Variants in HR observed in about 807,000 individuals in gnomAD.
HR encodes lysine-specific demethylase hairless.
In HR, 83 loss-of-function variants were observed where a neutral mutation model predicts 128.6. The observed-to-expected ratio is 0.65, with a 90% CI of 0.54 to 0.77. The LOEUF is 0.77. Among genes scored for constraint, HR ranks in the 30% least tolerant of loss-of-function variants. The probability of loss-of-function intolerance (pLI) is 0.00; values close to 1 mark genes in which losing one functional copy is unlikely to be tolerated. For missense variants in HR, 1,490 were observed against 1,574.6 expected (o/e 0.95, Z 0.91); for synonymous variants, 681 against 658.2 (o/e 1.03, Z -0.53).
chr8:22,126,713 G>A (rs143537689), intron 3 of HR, among the ~76,000 whole-genome samples: 31 of 152,302 alleles, frequency 2.0e-4, no homozygotes, highest in African/African-American at 5.3e-4. Context: ...CCAGAGAGGC[G>A]AAGCAACTCA....
In HR at chr8:22,120,456, T is replaced by C; in HGVS notation, c.2662A>G (p.Thr888Ala). The part of the protein sequence containing the change: ...QRTLQGNLWG[T>A]EALGALGGQV... ...CCTCCAAGTGCCCCAAGAGCTTCTG[T>C]CCCCCACAGGTTGCCCTGCAATGTC... Residue 888 changes from threonine to alanine, a missense_variant, in exon 12 of 19, where the codon ACA becomes GCA. Transcript: ENST00000381418. 6.2e-7 allele frequency: 1 copy of C among 1,613,884 alleles called. No individual in the cohort carries two copies. The highest frequency in any genetic ancestry group is 8.5e-7 in the Non-Finnish European group (1 of 1,179,980).
chr8:22,123,617 T>TTTGGGGGG, intron 6 of HR, 32 bp downstream of exon 6: 3 of 292,092 alleles, frequency 1.0e-5, no homozygotes, highest in Non-Finnish European at 1.2e-5. Context: ...GAGGGCTCCA[T>TTTGGGGGG]CCCGCCCTCC....
intron 1 of HR, among the ~76,000 whole-genome samples, chr8:22,129,632 C>T (rs960108642): frequency 2.6e-5 from 4 of 152,256 alleles, no homozygotes; most frequent in Non-Finnish European, 4.4e-5. Flanking sequence ...CTCAGTGTGC[C>T]CTTGAGGCTT....
At position 22,116,734 on chromosome 8, in the gene HR, T is replaced by C; in HGVS notation, c.3378+141A>G. 8.0e-7 allele frequency: 1 copy of C among 1,246,752 alleles called. No homozygotes were observed. The highest frequency in any genetic ancestry group is 1.1e-6 in the Non-Finnish European group (1 of 885,194). 77.2% of individuals were successfully genotyped at this position (1,246,752 alleles called of 1,614,324 possible). On this transcript the variant is annotated intron_variant, in intron 17 of 18. Transcript: ENST00000381418. This position sits in a 1 kb window ranked among gnomAD's most constrained non-coding sequence, Gnocchi z 4.2. ...CTTCAAGGCCTCTTGGCTCCCCCGT[T>C]ATCTCTTCCCCACAGCAGCGTGCGG...
At chr8:22,128,410 A>G in intron 2 of HR, 149 bp downstream of exon 2, 3 of 1,127,566 alleles carry the variant, frequency 2.7e-6, no homozygotes, top group Non-Finnish European at 3.9e-6. Flanking sequence ...CTTGGGGTTG[A>G]CTGTGGGGCC....
intron 11 of HR, 50 bp from the exon 12 acceptor site, chr8:22,120,557 C>A: frequency 6.2e-7 from 1 of 1,609,984 alleles, no homozygotes. Context: ...AGGGTGCCCG[C>A]CATGGCCAGG....
intron 6 of HR, 100 bp downstream of exon 6, chr8:22,123,549 G>T: frequency 8.4e-7 from 1 of 1,195,528 alleles, no homozygotes; most frequent in Non-Finnish European, 1.2e-6. Flanking sequence ...GCAGTGGGTA[G>T]GGGGCTTTTT....
At position 22,120,836 on chromosome 8, in the gene HR, C is replaced by T. The variant is rs1295232985; in HGVS notation, c.2490G>A (p.Leu830=). ...GCCGGGGCCGCACTGGAGAGAGGGG[C>T]AGGCCCAGGCCCTTGCGCAGACCCG... is the stretch of plus-strand genomic sequence containing the variant. ...AGPGLRKGLG[L]PLSPVRPRLP... is the part of the protein sequence containing the mutation. The change falls in exon 11 of 19, where the codon CTG becomes CTA. Residue 830 remains leucine (L), a synonymous_variant. Transcript: ENST00000381418. The T allele has an allele frequency of 6.4e-7, 1 of 1,551,456 alleles. No individual in the cohort carries two copies. Among genetic ancestry groups the T allele is most frequent in the Non-Finnish European group, 8.7e-7 (1 of 1,147,502 alleles).
chr8:22,126,901 G>A, intron 3 of HR, 136 bp downstream of exon 3: 1 of 807,688 alleles, frequency 1.2e-6, no homozygotes, highest in Non-Finnish European at 1.9e-6. Flanking sequence ...CTCCCAGAGA[G>A]CCCTCGTGAT....
intron 9 of HR, 109 bp downstream of exon 9, chr8:22,121,504 G>T: frequency 8.6e-7 from 1 of 1,157,136 alleles, no homozygotes; most frequent in Non-Finnish European, 1.3e-6. Flanking sequence ...ATTGGGGGTG[G>T]GGGGGAGTTG....
chr8:22,128,388 G>A (rs990622414), intron 2 of HR, 171 bp downstream of exon 2: 1 of 882,520 alleles, frequency 1.1e-6, no homozygotes, highest in South Asian at 1.5e-5. Context: ...GAGCTGCTCA[G>A]GGTAGGGCTT....
chr8:22,115,994 G>T (rs977520967), intron 18 of HR, among the ~76,000 whole-genome samples: 1 of 152,128 alleles, frequency 6.6e-6, no homozygotes, highest in African/African-American at 2.4e-5. Flanking sequence ...ATTTAACCAG[G>T]CATGGTGGTG....
Position 22,123,667 on chromosome 8 carries a change from G to T in HR, c.1897C>A (p.Arg633=), listed in dbSNP as rs758754898. 3 of 1,240,584 alleles carry T rather than the reference G, an allele frequency of 2.4e-6. No individual in the cohort carries two copies. The highest frequency in any genetic ancestry group is 3.1e-6 in the Non-Finnish European group (3 of 971,644). 76.8% of individuals were successfully genotyped at this position (1,240,584 alleles called of 1,614,324 possible). A position where few individuals can be genotyped will look rare whatever the true frequency, so the allele number is the denominator to read the frequency against. Residue 633 remains arginine (R), a synonymous_variant, in exon 6 of 19, where the codon CGG becomes AGG. Coordinates refer to ENST00000381418, the MANE Select transcript of HR (RefSeq NM_005144.5). ...CTCCTACCTGCTTTCTCCCTGGCCC[G>T]CCCAGTGCCTGCCACACGACCACAG... ...VACGRVAGTG[R]AREKAGFQEQ...
At position 22,129,154 on chromosome 8, in the gene HR, C is replaced by T. The variant is rs748979701; in HGVS notation, c.17G>A (p.Ser6Asn). The change falls in exon 2 of 19, where the codon AGC becomes AAC. Residue 6 changes from serine (S) to asparagine (N), a missense_variant. Ser to Asn is a conservative substitution (Grantham distance 46). Around this residue, in one of 3 missense-constraint regions of HR, gnomAD observed 1,060 missense variants for 1,060.9 expected, o/e 1.00. Coordinates refer to ENST00000381418, the MANE Select transcript of HR (RefSeq NM_005144.5). ...CCAGGTTGGGGTGCCCTTCAGGAAG[C>T]TGGGCGTACTCTCCATCACTCTCCT... is the stretch of plus-strand genomic sequence containing the variant. MESTP[S>N]FLKGTPTWEK... is the part of the protein sequence containing the mutation. The T allele has an allele frequency of 3.2e-6, 5 of 1,543,860 alleles. No individual in the cohort carries two copies. Among genetic ancestry groups the T allele is most frequent in the Non-Finnish European group, 4.3e-6 (5 of 1,149,504 alleles).
rs377059643 is a variant in HR, at chr8:22,120,760, G to A, written c.2566C>T (p.Arg856Trp). 2.5e-3 allele frequency: 3,835 copies of A among 1,520,648 alleles called. 7 individuals carry two copies. The highest frequency in any genetic ancestry group is 3.2e-3 in the Non-Finnish European group (3,570 of 1,132,270). The allele number at this position is 1,520,648 out of a possible 1,614,324, so 94.2% of individuals were successfully genotyped here. A position where few individuals can be genotyped will look rare whatever the true frequency, so the allele number is the denominator to read the frequency against. The change falls in exon 11 of 19, where the codon CGG (arginine) becomes TGG (tryptophan). Residue 856 changes from arginine to tryptophan, a missense_variant. This residue lies in a region of HR where 423 missense variants were observed against 495.9 expected (regional missense o/e 0.85). Coordinates refer to ENST00000381418, the MANE Select transcript of HR (RefSeq NM_005144.5). ...LWLQEPQPCP[R>W]RGFHLFQEHW... ...TCCTGGAAGAGGTGGAAGCCACGCC[G>A]AGGGCAAGGCTGGGGCTCCTGCAGC...
chr8:22,119,871 T>G lies in HR; in HGVS notation c.2866A>C (p.Ser956Arg). Residue 956 changes from serine to arginine, a missense_variant, in exon 14 of 19, where the codon AGT becomes CGT. By Grantham distance (110) the Ser-to-Arg change is moderately radical. Coordinates refer to ENST00000381418, the MANE Select transcript of HR (RefSeq NM_005144.5). Reference protein sequence around the residue: ...DTSRVENLAASLPLPEYCALH... With the variant: ...DTSRVENLAARLPLPEYCALH... ...GCGCAGTACTCCGGAAGTGGCAGAC[T>G]GGCAGCTAGGTTCTCCACCCTGTCA... 2 of 1,613,674 alleles carry G rather than the reference T, an allele frequency of 1.2e-6. No homozygotes were observed. Among genetic ancestry groups the G allele is most frequent in the Non-Finnish European group, 1.7e-6 (2 of 1,180,012 alleles).
chr8:22,120,136 C>G lies in HR; in HGVS notation c.2814G>C (p.Leu938=). ...PKSDEGSVLL[L]HRALGDEDTS... ...TGTCCTCATCCCCCAAAGCTCGGTG[C>G]AGCAGGAGGACAGAGCCCTCGTCTG... The change falls in exon 13 of 19, where the codon CTG becomes CTC. Residue 938 remains leucine (L), a synonymous_variant. Transcript: ENST00000381418. 2 of 1,593,558 alleles carry G rather than the reference C, an allele frequency of 1.3e-6. No individual in the cohort carries two copies. The highest frequency in any genetic ancestry group is 1.7e-6 in the Non-Finnish European group (2 of 1,170,914).
In HR at chr8:22,120,332, G is replaced by T; in HGVS notation, c.2776+10C>A. On this transcript the variant is annotated intron_variant, in intron 12 of 18. Coordinates refer to ENST00000381418, the MANE Select transcript of HR (RefSeq NM_005144.5). Reference sequence around the variant, plus strand: ...CCCAGCTCCCTCTCCCCTGTGTTGGGGACACTTACGCTCAGGCCAGGAGAA... The same window carrying T: ...CCCAGCTCCCTCTCCCCTGTGTTGGTGACACTTACGCTCAGGCCAGGAGAA... 6.2e-7 allele frequency: 1 copy of T among 1,613,728 alleles called. No individual in the cohort carries two copies. Among genetic ancestry groups the T allele is most frequent in the Non-Finnish European group, 8.5e-7 (1 of 1,179,974 alleles).
Position 22,116,469 on chromosome 8 carries a change from C to T in HR, c.3379-41G>A, listed in dbSNP as rs1323084587. 1 of 1,603,508 alleles carries T rather than the reference C, an allele frequency of 6.2e-7. No homozygotes were observed. The highest frequency in any genetic ancestry group is 8.5e-7 in the Non-Finnish European group (1 of 1,174,992). ...ATGGACAGTGAGGCTCAAGATCACA[C>T]ATCCTCTCCCTGTCCCCCTGGTCCC... On this transcript the variant is annotated intron_variant, in intron 17 of 18. Coordinates refer to ENST00000381418, the MANE Select transcript of HR (RefSeq NM_005144.5). The surrounding 1 kb of genome is among the most constrained non-coding windows in gnomAD (Gnocchi z 4.2).
Sources: gnomAD v4.1 joint callset for allele counts (sites outside exome capture counted in the v4.1 genomes callset) on GRCh38, gnomAD v4.1.1 for gene constraint, gnomAD v4.1.1 regional missense constraint, Gnocchi (gnomAD v3.1) non-coding constraint, MANE v1.5 for transcripts, NCBI Gene and HGNC (gene_info 2026-07-23, HGNC 2026-07-21) for gene names.